CDH13: variants seen among roughly 807,000 people sequenced by gnomAD.
CDH13 encodes cadherin 13.
A neutral mutation model predicts 63.8 loss-of-function variants in CDH13; 24 were observed. The observed-to-expected ratio is 0.38, with a 90% CI of 0.27 to 0.53. The LOEUF (loss-of-function observed/expected upper bound fraction) is 0.53. Among genes scored for constraint, CDH13 ranks in the 20% least tolerant of loss-of-function variants. The pLI is 0.85. For synonymous variants in CDH13, 503 were observed against 355.3 expected, an observed-to-expected ratio of 1.42 and a Z score of -4.67; for missense variants, 1,049 against 903.1, an observed-to-expected ratio of 1.16 and a Z score of -2.07.
intron 5 of CDH13, among the ~76,000 whole-genome samples, chr16:83,294,258 C>G (rs910165743): frequency 4.6e-5 from 7 of 152,128 alleles, no homozygotes; most frequent in African/African-American, 1.4e-4. Context: ...TACATTCACT[C>G]TTTTAGCATT....
intron 2 of CDH13, among the ~76,000 whole-genome samples, chr16:82,937,913 A>G (rs2042720479): frequency 6.6e-6 from 1 of 152,240 alleles, no homozygotes; most frequent in Non-Finnish European, 1.5e-5. Flanking sequence ...AAGACGTATA[A>G]TATAAAAGGA....
intron 6 of CDH13, among the ~76,000 whole-genome samples, chr16:83,467,197 C>T (rs947591975): frequency 3.3e-5 from 5 of 152,174 alleles, no homozygotes; most frequent in Non-Finnish European, 4.4e-5. Flanking sequence ...TCTGCTCAAA[C>T]GTTTTGTGGT....
At chr16:83,318,649 C>G (rs1227770287) in intron 5 of CDH13, among the ~76,000 whole-genome samples, 1 of 152,150 alleles carries the variant, frequency 6.6e-6, no homozygotes, top group African/African-American at 2.4e-5. Context: ...GAGTCTGTTA[C>G]ACAGTGCACC....
At chr16:83,358,097 G>T (rs1407501586) in intron 6 of CDH13, among the ~76,000 whole-genome samples, 1 of 152,154 alleles carries the variant, frequency 6.6e-6, no homozygotes, top group Non-Finnish European at 1.5e-5. Context: ...AATCCATTCT[G>T]CTGTCCTTTA....
Position 82,667,544 on chromosome 16 carries a change from C to T in CDH13, c.45+40407C>T, listed in dbSNP as rs544916816. Among the ~76,000 whole-genome samples, 450 of 152,144 alleles carry T rather than the reference C, an allele frequency of 3.0e-3. 2 individuals carry two copies. Among genetic ancestry groups the T allele is most frequent in the African/African-American group, 0.01 (422 of 41,448 alleles). On this transcript the variant is annotated intron_variant, in intron 1 of 13. Coordinates refer to ENST00000567109, the MANE Select transcript of CDH13 (RefSeq NM_001257.5). The stretch of plus-strand genomic sequence containing the variant: ...TGCATGTATGATGGGGCTCCTCTAC[C>T]GAGTTAAGAAGGAAGCCCTTGGCAA...
intron 2 of CDH13, among the ~76,000 whole-genome samples, chr16:82,996,099 A>C (rs1460640345): frequency 6.6e-6 from 1 of 152,178 alleles, no homozygotes; most frequent in African/African-American, 2.4e-5. Flanking sequence ...GCATAGCAGA[A>C]GGAAGTAAAA....
intron 5 of CDH13, among the ~76,000 whole-genome samples, chr16:83,306,650 T>G (rs1034179095): frequency 1.1e-4 from 17 of 152,194 alleles, no homozygotes; most frequent in Non-Finnish European, 2.9e-5. Flanking sequence ...CCAAGTACTT[T>G]TATTTGACTA....
At chr16:83,661,529 C>G (rs571101276) in intron 8 of CDH13, among the ~76,000 whole-genome samples, 19 of 152,020 alleles carry the variant, frequency 1.2e-4, no homozygotes, top group African/African-American at 4.6e-4. Context: ...AGTTTAAGAA[C>G]CACCGTTCCA....
intron 6 of CDH13, among the ~76,000 whole-genome samples, chr16:83,405,391 A>T (rs2092027130): frequency 6.6e-6 from 1 of 152,192 alleles, no homozygotes. Context: ...GATACGCCCA[A>T]TGTAACCACA....
Position 83,258,500 on chromosome 16 carries a change from CA to C in CDH13, c.636+41005del, listed in dbSNP as rs565717289. Among the ~76,000 whole-genome samples the C allele has an allele frequency of 2.6e-5, 4 of 152,150 alleles. No homozygotes were observed. The South Asian group carries it at 8.3e-4, about 32-fold the overall frequency. On this transcript the variant is annotated intron_variant, in intron 5 of 13. Coordinates refer to ENST00000567109, the MANE Select transcript of CDH13 (RefSeq NM_001257.5). ...TGCAAATACTGTTACTGATGATGAT[CA>C]AGAAGAGAGGAAGGCACTCTGTGAA...
intron 1 of CDH13, among the ~76,000 whole-genome samples, chr16:82,653,595 C>T (rs1010573750): frequency 6.6e-6 from 1 of 152,122 alleles, no homozygotes; most frequent in East Asian, 1.9e-4. Flanking sequence ...CTGAGAGTTG[C>T]TTGTGGGGCT....
intron 6 of CDH13, among the ~76,000 whole-genome samples, chr16:83,392,201 G>C (rs929604187): frequency 6.6e-6 from 1 of 152,092 alleles, no homozygotes; most frequent in African/African-American, 2.4e-5. Flanking sequence ...TCATAGCTTC[G>C]TGGCCCTGGG....
At chr16:82,987,536 T>G (rs1205515755) in intron 2 of CDH13, among the ~76,000 whole-genome samples, 1 of 151,954 alleles carries the variant, frequency 6.6e-6, no homozygotes, top group Admixed American at 6.6e-5. Flanking sequence ...AAAACCACGC[T>G]CAGCTAATTT....
intron 1 of CDH13, among the ~76,000 whole-genome samples, chr16:82,838,986 C>T (rs9922081): frequency 6.6e-6 from 1 of 152,126 alleles, no homozygotes; most frequent in Non-Finnish European, 1.5e-5. Flanking sequence ...TCTACTCTGC[C>T]ATTGTAGCAT....
At chr16:83,191,064 A>C (rs1372428656) in intron 4 of CDH13, among the ~76,000 whole-genome samples, 2 of 151,712 alleles carry the variant, frequency 1.3e-5, no homozygotes, top group Non-Finnish European at 2.9e-5. Context: ...GCAAAGGTCC[A>C]ACTGGCAGAA....
intron 5 of CDH13, among the ~76,000 whole-genome samples, chr16:83,339,653 C>G (rs746332486): frequency 4.6e-5 from 7 of 152,076 alleles, no homozygotes; most frequent in Non-Finnish European, 8.8e-5. Flanking sequence ...GAATCCAGGT[C>G]CAGTGCTCTT....
intron 5 of CDH13, among the ~76,000 whole-genome samples, chr16:83,299,404 C>T (rs1419843276): frequency 6.6e-6 from 1 of 152,164 alleles, no homozygotes; most frequent in Non-Finnish European, 1.5e-5. Flanking sequence ...TAGGTTTGGA[C>T]TCCTCATGCT....
At chr16:83,125,725 G>A (rs1020247834) in intron 4 of CDH13, among the ~76,000 whole-genome samples, 6 of 152,160 alleles carry the variant, frequency 3.9e-5, no homozygotes, top group African/African-American at 1.4e-4. Context: ...GGATCAACAT[G>A]GTAGATGATG....
chr16:82,942,492 G>C (rs1904301552), intron 2 of CDH13, among the ~76,000 whole-genome samples: 2 of 152,254 alleles, frequency 1.3e-5, no homozygotes, highest in Admixed American at 6.5e-5. Flanking sequence ...CAGAGGATTT[G>C]ACCTAAGGGA....
Sources: gnomAD v4.1 joint callset for allele counts (sites outside exome capture counted in the v4.1 genomes callset) on GRCh38, gnomAD v4.1.1 for gene constraint, MANE v1.5 for transcripts, NCBI Gene and HGNC (gene_info 2026-07-23, HGNC 2026-07-21) for gene names.